PTTG1IP: variants seen among roughly 807,000 people sequenced by gnomAD.
The protein encoded by PTTG1IP is PTTG1 interacting protein, also known as pituitary tumor-transforming gene 1 protein-interacting protein.
Under a neutral mutation model 24.4 loss-of-function variants are expected in PTTG1IP, and 16 were observed. The ratio of observed to expected loss-of-function variants is 0.66; its 90% CI spans 0.44 to 1.00. PTTG1IP has a LOEUF of 1.00. PTTG1IP is among the 50% of genes least tolerant of loss of function. PTTG1IP has a pLI of 0.00. For synonymous variants in PTTG1IP, 89 were observed against 96.8 expected (o/e 0.92, Z 0.47); for missense variants, 241 against 245.8 (o/e 0.98, Z 0.13).
rs368539066 is a variant in PTTG1IP, at chr21:44,859,488, T to C, written c.277+1675A>G. On this transcript the variant is annotated intron_variant, in intron 3 of 5. Transcript: ENST00000330938. ...AAACTGCGGTCCATGCAGGCACACA[T>C]GTGTGCATTATGTAGGCTATAAAGT... 2.1e-4 allele frequency among the ~76,000 whole-genome samples: 31 copies of C among 150,828 alleles called. No individual in the cohort carries two copies. The South Asian group carries it at 2.9e-3, about 14-fold the overall frequency.
chr21:44,862,067 C>T (rs2083496079), intron 2 of PTTG1IP: 1 of 559,520 alleles, frequency 1.8e-6, no homozygotes, highest in Non-Finnish European at 3.2e-6. Flanking sequence ...GTGGAGACAA[C>T]ACCATCACAC....
At chr21:44,865,727 A>G in intron 1 of PTTG1IP, 1 of 550,782 alleles carries the variant, frequency 1.8e-6, no homozygotes, top group South Asian at 2.2e-5. Context: ...GAGTGCCAAC[A>G]CAGAAGGCTG....
In PTTG1IP at chr21:44,872,230, C is replaced by A. The variant is rs768325549; in HGVS notation, c.115+1272G>T. Among the ~76,000 whole-genome samples the A allele has an allele frequency of 2.4e-4, 37 of 152,236 alleles. 1 individual carries two copies. Among genetic ancestry groups the A allele is most frequent in the Non-Finnish European group, 4.8e-4 (33 of 68,044 alleles). ...GGGCCAAAAGTTCCCAGTACAGTCC[C>A]ACTGGCCTCCTTGACTAACAAACTT... On this transcript the variant is annotated intron_variant, in intron 1 of 5. Coordinates refer to ENST00000330938, the MANE Select transcript of PTTG1IP (RefSeq NM_004339.4).
In PTTG1IP at chr21:44,862,870, A is replaced by G. The variant is rs111532666; in HGVS notation, c.169-1599T>C. Among the ~76,000 whole-genome samples, 471 of 152,280 alleles carry G rather than the reference A, an allele frequency of 3.1e-3. 5 individuals carry two copies. The highest frequency in any genetic ancestry group is 0.01 in the African/African-American group (431 of 41,548). On this transcript the variant is annotated intron_variant, in intron 2 of 5. Transcript: ENST00000330938. ...ATTTCAGGGGTTTTGCTTGCAATTA[A>G]CGATTTTTGGCTAATCCTCCCTTTT...
intron 3 of PTTG1IP, among the ~76,000 whole-genome samples, chr21:44,856,993 T>G (rs1256243673): frequency 6.6e-6 from 1 of 152,216 alleles, no homozygotes; most frequent in Non-Finnish European, 1.5e-5. Flanking sequence ...TCCCAAACCC[T>G]GTTATGATTT....
chr21:44,861,263 C>T lies in PTTG1IP; in HGVS notation c.177G>A (p.Trp59Ter), dbSNP rs1279222607. 1 of 1,612,592 alleles carries T rather than the reference C, an allele frequency of 6.2e-7. No individual in the cohort carries two copies. Among genetic ancestry groups the T allele is most frequent in the Non-Finnish European group, 8.5e-7 (1 of 1,178,872 alleles). The stretch of plus-strand genomic sequence containing the variant: ...CCAGACAAGCCTTGTTAGTGTTGCA[C>T]CAAAGACACTGAAAGAGACCAACAT... ...EECLKNVSCL[W>*]CNTNKACLDY... The change falls in exon 3 of 6, where the codon TGG (tryptophan) becomes TGA (stop). Residue 59 changes from tryptophan to a stop codon, truncating the protein, a stop_gained. Coordinates refer to ENST00000330938, the MANE Select transcript of PTTG1IP (RefSeq NM_004339.4). LOFTEE classifies it high-confidence loss of function.
At chr21:44,869,292 A>C (rs2083565938) in intron 1 of PTTG1IP, among the ~76,000 whole-genome samples, 1 of 152,242 alleles carries the variant, frequency 6.6e-6, no homozygotes, top group Non-Finnish European at 1.5e-5. Context: ...TCAATGTTAC[A>C]TGTCCAGATT....
At chr21:44,870,387 G>A (rs1389394728) in intron 1 of PTTG1IP, among the ~76,000 whole-genome samples, 2 of 151,832 alleles carry the variant, frequency 1.3e-5, no homozygotes, top group African/African-American at 2.4e-5. Flanking sequence ...CTAAAAATAC[G>A]AAAATTAGCC....
At chr21:44,855,887 G>C (rs554671834) in intron 4 of PTTG1IP, among the ~76,000 whole-genome samples, 1 of 152,290 alleles carries the variant, frequency 6.6e-6, no homozygotes, top group Non-Finnish European at 1.5e-5. Flanking sequence ...GGCAAATGCT[G>C]GGCCTGGACG....
Position 44,850,238 on chromosome 21 carries a change from T to C in PTTG1IP, c.*1343A>G, listed in dbSNP as rs990820209. Reference sequence around the variant, plus strand: ...TTGATCTTAGGTGCTGCTGACCTACTTTCCCAAAGCAAAATGTTTTAAAAT... The same window carrying C: ...TTGATCTTAGGTGCTGCTGACCTACCTTCCCAAAGCAAAATGTTTTAAAAT... On this transcript the variant is annotated 3_prime_UTR_variant, in exon 6 of 6. Transcript: ENST00000330938. 4.6e-5 allele frequency: 7 copies of C among 152,218 alleles called. No individual in the cohort carries two copies. The highest frequency in any genetic ancestry group is 9.6e-5 in the African/African-American group (4 of 41,460). 9.4% of individuals were successfully genotyped at this position (152,218 alleles called of 1,614,324 possible).
In PTTG1IP at chr21:44,870,525, C is replaced by CAAAAA. The variant is rs60436978; in HGVS notation, c.115+2972_115+2976dup. 6.3e-3 allele frequency among the ~76,000 whole-genome samples: 477 copies of CAAAAA among 75,510 alleles called. 1 individual carries two copies. Among genetic ancestry groups the CAAAAA allele is most frequent in the Non-Finnish European group, 8.3e-3 (343 of 41,366 alleles). The allele number at this position is 75,510 out of a possible 152,430, so 49.5% of individuals were successfully genotyped here. A position where few individuals can be genotyped will look rare whatever the true frequency, so the allele number is the denominator to read the frequency against. Reference sequence around the variant, plus strand: ...TGGGCAACAGGGCAAGACTCCATCTCAAAAAAAAAAAAAAAAAAAAAAAGA... The same window carrying CAAAAA: ...TGGGCAACAGGGCAAGACTCCATCTCAAAAAAAAAAAAAAAAAAAAAAAAAAAAGA... On this transcript the variant is annotated intron_variant, in intron 1 of 5. Coordinates refer to ENST00000330938, the MANE Select transcript of PTTG1IP (RefSeq NM_004339.4).
chr21:44,855,278 T>C, intron 4 of PTTG1IP, 22 bp from the exon 5 acceptor site: 1 of 1,606,030 alleles, frequency 6.2e-7, no homozygotes, highest in East Asian at 2.2e-5. Flanking sequence ...AGGAACATTA[T>C]GAGCACCAAA....
chr21:44,855,543 C>G, intron 4 of PTTG1IP, among the ~76,000 whole-genome samples: 1 of 152,146 alleles, frequency 6.6e-6, no homozygotes, highest in East Asian at 1.9e-4. Context: ...TTTTAAAAAG[C>G]TTTTTTCATA....
At position 44,861,357 on chromosome 21, in the gene PTTG1IP, T is replaced by C. The variant is rs181968469; in HGVS notation, c.169-86A>G. 7 of 1,144,334 alleles carry C rather than the reference T, an allele frequency of 6.1e-6. No individual in the cohort carries two copies. In the Admixed American group the frequency reaches 1.1e-4, roughly 18 times the overall value. The allele number at this position is 1,144,334 out of a possible 1,614,324, so 70.9% of individuals were successfully genotyped here. A position where few individuals can be genotyped will look rare whatever the true frequency, so the allele number is the denominator to read the frequency against. On this transcript the variant is annotated intron_variant, in intron 2 of 5. Transcript: ENST00000330938. ...GGCTCTGCCCACAGCCCGCCAGTGCTGCCATCGCTCTGTGGATGGCTGTAA... is the reference window on the plus strand; with the variant it reads ...GGCTCTGCCCACAGCCCGCCAGTGCCGCCATCGCTCTGTGGATGGCTGTAA...
rs2146449723 is a variant in PTTG1IP at position 44,851,385 on chromosome 21, A to G, written c.*196T>C. 1.3e-6 allele frequency: 2 copies of G among 1,532,866 alleles called. No individual in the cohort carries two copies. 95.0% of individuals were successfully genotyped at this position (1,532,866 alleles called of 1,614,324 possible). On this transcript the variant is annotated 3_prime_UTR_variant, in exon 6 of 6. Coordinates refer to ENST00000330938, the MANE Select transcript of PTTG1IP (RefSeq NM_004339.4). ...ACTAAATCTAGAAACAGAGATGAAC[A>G]GGGAATAGAAGGTCACCAGTCTGCA...
At position 44,865,384 on chromosome 21, in the gene PTTG1IP, G is replaced by A. The variant is rs767361608; in HGVS notation, c.168+11C>T. The A allele has an allele frequency of 6.2e-6, 10 of 1,613,700 alleles. No individual in the cohort carries two copies. Among genetic ancestry groups the A allele is most frequent in the Admixed American group, 1.7e-5 (1 of 59,996 alleles). On this transcript the variant is annotated intron_variant, in intron 2 of 5. Coordinates refer to ENST00000330938, the MANE Select transcript of PTTG1IP (RefSeq NM_004339.4). ...GACGGCACTCTGGTCTCTAGTCCAC[G>A]TGCTACTTACGGAGACGTTCTTCAG...
At chr21:44,862,113 C>T (rs1353972181) in intron 2 of PTTG1IP, among the ~76,000 whole-genome samples, 1 of 152,220 alleles carries the variant, frequency 6.6e-6, no homozygotes, top group Non-Finnish European at 1.5e-5. Flanking sequence ...GAGCTGGGCC[C>T]AGCCCATGCC....
intron 3 of PTTG1IP, among the ~76,000 whole-genome samples, chr21:44,857,248 G>C (rs531429579): frequency 6.6e-6 from 1 of 152,184 alleles, no homozygotes; most frequent in Admixed American, 6.5e-5. Context: ...AGGCCAAATC[G>C]GGAGGATTGC....
Position 44,866,209 on chromosome 21 carries a change from A to AACACACACACACACAC in PTTG1IP, c.116-778_116-763dup, listed in dbSNP as rs35473745. 4.0e-5 allele frequency among the ~76,000 whole-genome samples: 5 copies of AACACACACACACACAC among 124,500 alleles called. No individual in the cohort carries two copies. The East Asian group carries it at 7.2e-4, about 18-fold the overall frequency. 81.7% of individuals were successfully genotyped at this position (124,500 alleles called of 152,430 possible). A position where few individuals can be genotyped will look rare whatever the true frequency, so the allele number is the denominator to read the frequency against. On this transcript the variant is annotated intron_variant, in intron 1 of 5. Transcript: ENST00000330938. ...TGACTGCCTACTCCCCCAATCCTGT[A>AACACACACACACACAC]ACACACACACACACACACACACAGC... is the stretch of plus-strand genomic sequence containing the variant.
Sources: gnomAD v4.1 joint callset for allele counts (sites outside exome capture counted in the v4.1 genomes callset) on GRCh38, gnomAD v4.1.1 for gene constraint, MANE v1.5 for transcripts, NCBI Gene and HGNC (gene_info 2026-07-23, HGNC 2026-07-21) for gene names.